GNAL: variants seen among roughly 807,000 people sequenced by gnomAD.
GNAL encodes guanine nucleotide-binding protein G(olf) subunit alpha.
In GNAL, 18 loss-of-function variants were observed where a neutral mutation model predicts 55.1. The ratio of observed to expected loss-of-function variants is 0.33; its 90% CI spans 0.23 to 0.48. GNAL has a LOEUF of 0.48. Ranked by LOEUF, GNAL falls within the 20% of genes least tolerant of loss-of-function variation. The pLI, the probability that GNAL is intolerant of heterozygous loss-of-function variation, is 0.99. For missense variants in GNAL, 412 were observed against 614.1 expected (o/e 0.67, Z 3.48); for synonymous variants, 253 against 237.0 (o/e 1.07, Z -0.62).
In GNAL at chr18:11,715,261, C is replaced by T. The variant is rs1434180675; in HGVS notation, c.376+25322C>T. ...GATCACAAGGTCAGGAGATCGAGACCATCCTGGCTAACACGGTGAAACCCT... is the reference window on the plus strand; with the variant it reads ...GATCACAAGGTCAGGAGATCGAGACTATCCTGGCTAACACGGTGAAACCCT... On this transcript the variant is annotated intron_variant, in intron 1 of 11. Coordinates refer to ENST00000334049, the MANE Select transcript of GNAL (RefSeq NM_182978.4). 2.6e-5 allele frequency among the ~76,000 whole-genome samples: 4 copies of T among 151,446 alleles called. No homozygotes were observed. In the South Asian group the frequency reaches 8.3e-4, roughly 31 times the overall value.
intron 4 of GNAL, among the ~76,000 whole-genome samples, chr18:11,799,367 G>A (rs1319512810): frequency 6.6e-6 from 1 of 152,128 alleles, no homozygotes; most frequent in Non-Finnish European, 1.5e-5. Flanking sequence ...TCTGTTCATT[G>A]CTCTGTCTTA....
intron 5 of GNAL, among the ~76,000 whole-genome samples, chr18:11,835,230 T>C (rs1183487543): frequency 6.6e-6 from 1 of 152,220 alleles, no homozygotes; most frequent in Non-Finnish European, 1.5e-5. Context: ...CTGCAGTATT[T>C]CAGAGGGAGT....
intron 4 of GNAL, among the ~76,000 whole-genome samples, chr18:11,776,266 A>G (rs1230056445): frequency 6.6e-6 from 1 of 152,234 alleles, no homozygotes; most frequent in Non-Finnish European, 1.5e-5. Flanking sequence ...GTAGATAACA[A>G]CAAGATTTCA....
At chr18:11,770,854 T>G (rs935949314) in intron 4 of GNAL, among the ~76,000 whole-genome samples, 2 of 152,198 alleles carry the variant, frequency 1.3e-5, no homozygotes, top group African/African-American at 4.8e-5. Flanking sequence ...TGTTATATGT[T>G]TACTTTTTTT....
intron 4 of GNAL, among the ~76,000 whole-genome samples, chr18:11,771,455 A>G (rs2033633469): frequency 6.6e-6 from 1 of 152,138 alleles, no homozygotes; most frequent in African/African-American, 2.4e-5. Context: ...TGTGTCAGGA[A>G]CTATGTTCAG....
intron 4 of GNAL, among the ~76,000 whole-genome samples, chr18:11,783,609 A>G (rs1363720084): frequency 6.6e-6 from 1 of 152,216 alleles, no homozygotes; most frequent in Admixed American, 6.5e-5. Flanking sequence ...GTGAGCCACC[A>G]ATGCAATCCA....
intron 1 of GNAL, among the ~76,000 whole-genome samples, chr18:11,714,721 G>C (rs1339531669): frequency 6.6e-6 from 1 of 152,204 alleles, no homozygotes; most frequent in African/African-American, 2.4e-5. Context: ...GGAGATAGGT[G>C]ACCTATCTTC....
At chr18:11,826,623 G>A (rs1365831914) in intron 5 of GNAL, among the ~76,000 whole-genome samples, 3 of 152,158 alleles carry the variant, frequency 2.0e-5, no homozygotes, top group African/African-American at 7.2e-5. Flanking sequence ...CCATGCAGGT[G>A]AGTGCTGGAA....
At chr18:11,758,070 C>T (rs1355167467) in intron 4 of GNAL, among the ~76,000 whole-genome samples, 2 of 152,064 alleles carry the variant, frequency 1.3e-5, no homozygotes, top group East Asian at 3.8e-4. Context: ...ATGAAAAGGG[C>T]TGGAATCACT....
intron 4 of GNAL, among the ~76,000 whole-genome samples, chr18:11,784,640 ATTAGCATT>A (rs1370770641): frequency 3.5e-4 from 54 of 152,206 alleles, no homozygotes; most frequent in African/African-American, 1.3e-3. Context: ...AAACATACAA[ATTAGCATT>A]TTATTTCTAA....
At chr18:11,699,219 C>T (rs1198033176) in intron 1 of GNAL, among the ~76,000 whole-genome samples, 1 of 151,708 alleles carries the variant, frequency 6.6e-6, no homozygotes, top group Admixed American at 6.6e-5. Context: ...TACTTAGAGA[C>T]AGAGTCTCTC....
intron 4 of GNAL, 41 bp from the exon 5 acceptor site, chr18:11,824,877 A>T: frequency 9.8e-7 from 1 of 1,022,662 alleles, no homozygotes; most frequent in Non-Finnish European, 1.5e-6. Context: ...AAAGGTTATT[A>T]CACTTTTTTT....
At chr18:11,772,664 GCT>G (rs1353459380) in intron 4 of GNAL, among the ~76,000 whole-genome samples, 5 of 152,196 alleles carry the variant, frequency 3.3e-5, no homozygotes, top group Non-Finnish European at 5.9e-5. Context: ...ATCCAGATGT[GCT>G]GACCTGGAGG....
At chr18:11,759,853 A>G (rs777704730) in intron 4 of GNAL, among the ~76,000 whole-genome samples, 14 of 152,158 alleles carry the variant, frequency 9.2e-5, no homozygotes, top group Non-Finnish European at 1.8e-4. Context: ...GCCTGTGTCT[A>G]TCTCCTGCTA....
intron 1 of GNAL, among the ~76,000 whole-genome samples, chr18:11,736,477 T>A (rs2032466688): frequency 6.6e-6 from 1 of 152,262 alleles, no homozygotes; most frequent in Non-Finnish European, 1.5e-5. Context: ...AGATTTAAAG[T>A]ATCACATACC....
At chr18:11,877,481 A>G (rs574767259) in intron 11 of GNAL, among the ~76,000 whole-genome samples, 28 of 152,004 alleles carry the variant, frequency 1.8e-4, no homozygotes, top group Non-Finnish European at 1.0e-4. Flanking sequence ...ACTCCCATAT[A>G]GTCTTTACCC....
intron 4 of GNAL, among the ~76,000 whole-genome samples, chr18:11,809,316 A>G (rs2034749090): frequency 6.6e-6 from 1 of 152,072 alleles, no homozygotes; most frequent in Non-Finnish European, 1.5e-5. Context: ...GTGTCTGCTA[A>G]TGGGTCATGC....
chr18:11,741,936 G>C (rs149926435), intron 1 of GNAL, among the ~76,000 whole-genome samples: 1 of 151,924 alleles, frequency 6.6e-6, no homozygotes, highest in South Asian at 2.1e-4. Flanking sequence ...AAGTACATTC[G>C]CATCATTGTG....
intron 1 of GNAL, among the ~76,000 whole-genome samples, chr18:11,723,449 T>G (rs1037376394): frequency 1.8e-4 from 28 of 152,208 alleles, no homozygotes; most frequent in Non-Finnish European, 1.6e-4. Context: ...ATCCCTGGTC[T>G]AGACTCTATA....
Sources: allele counts gnomAD v4.1 joint callset (sites outside exome capture counted in the v4.1 genomes callset), GRCh38; gene constraint gnomAD v4.1.1; transcripts MANE v1.5; gene names NCBI Gene and HGNC (gene_info 2026-07-23, HGNC 2026-07-21).